The following CORIN variants were observed in gnomAD, a reference collection of about 807,000 sequenced individuals.
CORIN encodes atrial natriuretic peptide-converting enzyme.
In CORIN, 117 loss-of-function variants were observed where a neutral mutation model predicts 125.3. The ratio of observed to expected loss-of-function variants is 0.93; its 90% CI spans 0.80 to 1.09. The LOEUF is 1.09. CORIN is among the 50% of genes least tolerant of loss of function. CORIN has a pLI of 0.00. For synonymous variants in CORIN, 450 were observed against 466.4 expected, an observed-to-expected ratio of 0.96 and a Z score of 0.45; for missense variants, 1,253 against 1,306.7, an observed-to-expected ratio of 0.96 and a Z score of 0.63.
chr4:47,721,677 G>C (rs1727357903), intron 5 of CORIN, among the ~76,000 whole-genome samples: 1 of 152,166 alleles, frequency 6.6e-6, no homozygotes, highest in Non-Finnish European at 1.5e-5. Context: ...ATGCAAACAC[G>C]CAGTTCATCA....
At chr4:47,704,590 A>T (rs11723646) in intron 5 of CORIN, among the ~76,000 whole-genome samples, 28,604 of 151,928 alleles carry the variant, frequency 0.19, 2,983 homozygotes, top group Middle Eastern at 0.24. Context: ...TCAAGCAGAG[A>T]ATGGTCTACT....
At chr4:47,695,013 T>G (rs1725924224) in intron 5 of CORIN, among the ~76,000 whole-genome samples, 1 of 152,228 alleles carries the variant, frequency 6.6e-6, no homozygotes, top group Non-Finnish European at 1.5e-5. Context: ...TTTTCCATTA[T>G]AGTCCATAAT....
At chr4:47,710,344 G>A (rs1034042846) in intron 5 of CORIN, among the ~76,000 whole-genome samples, 8 of 152,118 alleles carry the variant, frequency 5.3e-5, no homozygotes, top group Admixed American at 5.2e-4. Context: ...CAATGTTTCA[G>A]CATTTAAATC....
chr4:47,685,705 T>C (rs1452304633), intron 6 of CORIN, among the ~76,000 whole-genome samples: 1 of 152,076 alleles, frequency 6.6e-6, no homozygotes, highest in African/African-American at 2.4e-5. Context: ...GAAATCTGCA[T>C]TTTACAGAAA....
chr4:47,641,828 C>T, intron 16 of CORIN, 92 bp downstream of exon 16: 1 of 1,471,384 alleles, frequency 6.8e-7, no homozygotes. Flanking sequence ...TTTGAGAGCA[C>T]TAACTCTCTG....
intron 7 of CORIN, 166 bp from the exon 8 acceptor site, chr4:47,680,417 C>T: frequency 1.8e-6 from 1 of 571,198 alleles, no homozygotes; most frequent in Non-Finnish European, 3.1e-6. Flanking sequence ...GCCCTCCCCA[C>T]TCATGTGCCC....
chr4:47,722,241 G>T (rs572461990), intron 5 of CORIN, among the ~76,000 whole-genome samples: 1 of 152,314 alleles, frequency 6.6e-6, no homozygotes, highest in African/African-American at 2.4e-5. Context: ...ACTGTGGAAG[G>T]TGTTTCCTTA....
At chr4:47,821,338 T>G (rs1275869975) in intron 1 of CORIN, among the ~76,000 whole-genome samples, 1 of 151,452 alleles carries the variant, frequency 6.6e-6, no homozygotes, top group Admixed American at 6.6e-5. Context: ...AATACTTCAA[T>G]GATTAGGAAT....
At chr4:47,617,665 T>C (rs561909289) in intron 19 of CORIN, among the ~76,000 whole-genome samples, 1 of 152,312 alleles carries the variant, frequency 6.6e-6, no homozygotes, top group South Asian at 2.1e-4. Context: ...TTAGTGGACA[T>C]TACTATTGAT....
At chr4:47,713,145 G>A (rs1317388125) in intron 5 of CORIN, among the ~76,000 whole-genome samples, 1 of 152,086 alleles carries the variant, frequency 6.6e-6, no homozygotes, top group Non-Finnish European at 1.5e-5. Context: ...AAGAGATAAT[G>A]GAAAAATCTT....
intron 9 of CORIN, among the ~76,000 whole-genome samples, chr4:47,674,921 T>G (rs1724946160): frequency 6.6e-6 from 1 of 152,188 alleles, no homozygotes; most frequent in African/African-American, 2.4e-5. Context: ...AATTCTAGTC[T>G]CCCTCTAAGG....
intron 16 of CORIN, among the ~76,000 whole-genome samples, chr4:47,634,721 C>T (rs779973311): frequency 2.0e-5 from 3 of 152,158 alleles, no homozygotes; most frequent in Non-Finnish European, 4.4e-5. Flanking sequence ...ATTACTTTGG[C>T]CTGGCAGTAA....
intron 10 of CORIN, among the ~76,000 whole-genome samples, chr4:47,667,652 A>T (rs1490188052): frequency 6.6e-6 from 1 of 152,144 alleles, no homozygotes; most frequent in Non-Finnish European, 1.5e-5. Flanking sequence ...AAGGAGGCTG[A>T]TGTTGGCCTG....
chr4:47,636,032 GA>G (rs1723011132), intron 16 of CORIN, among the ~76,000 whole-genome samples: 1 of 152,168 alleles, frequency 6.6e-6, no homozygotes, highest in South Asian at 2.1e-4. Flanking sequence ...ATTTTAGGAG[GA>G]AGTTAAAGTG....
At chr4:47,692,363 C>T (rs961537230) in intron 6 of CORIN, among the ~76,000 whole-genome samples, 4 of 151,996 alleles carry the variant, frequency 2.6e-5, no homozygotes, top group African/African-American at 9.7e-5. Flanking sequence ...GATGGTTTTC[C>T]CCTTCTTTCC....
chr4:47,728,803 T>C (rs1046617877), intron 5 of CORIN, among the ~76,000 whole-genome samples: 2 of 152,182 alleles, frequency 1.3e-5, no homozygotes, highest in South Asian at 4.1e-4. Context: ...AACAAAATAA[T>C]ATTCTGTAAG....
At chr4:47,687,484 T>C (rs749134772) in intron 6 of CORIN, among the ~76,000 whole-genome samples, 1 of 152,174 alleles carries the variant, frequency 6.6e-6, no homozygotes, top group Non-Finnish European at 1.5e-5. Flanking sequence ...AAGGAGAGCT[T>C]GATACAAAAT....
chr4:47,642,853 G>C, intron 15 of CORIN: 1 of 1,453,250 alleles, frequency 6.9e-7, no homozygotes. Context: ...ATTGAAGTTG[G>C]GTTTTAATGA....
chr4:47,750,310 C>T (rs1728842053), intron 4 of CORIN, among the ~76,000 whole-genome samples: 1 of 152,136 alleles, frequency 6.6e-6, no homozygotes, highest in African/African-American at 2.4e-5. Context: ...GTCATTGTCT[C>T]CCATCAGAAG....
Sources: allele counts gnomAD v4.1 joint callset (sites outside exome capture counted in the v4.1 genomes callset), GRCh38; gene constraint gnomAD v4.1.1; transcripts MANE v1.5; gene names NCBI Gene and HGNC (gene_info 2026-07-23, HGNC 2026-07-21).